DPP6: variants seen among roughly 807,000 people sequenced by gnomAD.
DPP6 encodes dipeptidyl peptidase like 6.
Under a neutral mutation model 122.6 loss-of-function variants are expected in DPP6, and 69 were observed. The observed-to-expected ratio is 0.56, with a 90% confidence interval of 0.46 to 0.69. The LOEUF (loss-of-function observed/expected upper bound fraction) is 0.69, where lower values mean the gene tolerates loss of function less well. Ranked by LOEUF, DPP6 falls within the 30% of genes least tolerant of loss-of-function variation. The pLI, the probability that DPP6 is intolerant of heterozygous loss-of-function variation, is 0.00. For missense variants in DPP6, 928 were observed against 1,116.9 expected (o/e 0.83, Z 2.41); for synonymous variants, 418 against 433.1 (o/e 0.97, Z 0.43).
At chr7:153,831,307 C>G in the DPP6 span, among the ~76,000 whole-genome samples, 1 of 152,114 alleles carries the variant, frequency 6.6e-6, no homozygotes, top group African/African-American at 2.4e-5. Flanking sequence ...AAGGCAGCTC[C>G]ACGTTTTCTA....
rs867573669 is a variant in DPP6 at position 153,991,373 on chromosome 7, G to C, written c.51+103639G>C. 1.8e-4 allele frequency among the ~76,000 whole-genome samples: 28 copies of C among 152,274 alleles called. 2 individuals are homozygous for C. In the Middle Eastern group the frequency reaches 0.017, roughly 92 times the overall value. On this transcript the variant is annotated intron_variant, in intron 1 of 25. Transcript: ENST00000404039. ...CTTCAAGTTTCTACTTACATTTCCTGAATTAAATAGTTTACATCCATAGAA... is the reference window on the plus strand; with the variant it reads ...CTTCAAGTTTCTACTTACATTTCCTCAATTAAATAGTTTACATCCATAGAA...
intron 5 of DPP6, among the ~76,000 whole-genome samples, chr7:154,609,421 G>A (rs1833771916): frequency 6.6e-6 from 1 of 152,192 alleles, no homozygotes; most frequent in Non-Finnish European, 1.5e-5. Flanking sequence ...GATTTACTCT[G>A]TAGACATGTT....
At chr7:154,873,394 T>C (rs545794451) in intron 19 of DPP6, among the ~76,000 whole-genome samples, 67 of 152,298 alleles carry the variant, frequency 4.4e-4, no homozygotes, top group Non-Finnish European at 8.8e-4. Flanking sequence ...ATGCACCTCC[T>C]GGTCTGTACT....
At chr7:154,679,320 T>G (rs1400899763) in intron 7 of DPP6, among the ~76,000 whole-genome samples, 1 of 152,202 alleles carries the variant, frequency 6.6e-6, no homozygotes, top group African/African-American at 2.4e-5. Flanking sequence ...CATTGTCAGG[T>G]GACAGCAATT....
rs529546161 is a variant in DPP6, at chr7:154,709,130, A to G, written c.763-18637A>G. Reference sequence around the variant, plus strand: ...TATATTATATGGCCTTAGTTTTATTAAAAACCAGATTTATACCTCTCCTAC... The same window carrying G: ...TATATTATATGGCCTTAGTTTTATTGAAAACCAGATTTATACCTCTCCTAC... On this transcript the variant is annotated intron_variant, in intron 7 of 25. Transcript: ENST00000377770. 2.6e-5 allele frequency among the ~76,000 whole-genome samples: 4 copies of G among 152,318 alleles called. No individual in the cohort carries two copies. In the East Asian group the frequency reaches 7.7e-4, roughly 29 times the overall value.
chr7:153,948,829 T>C (rs1017527891), intron 1 of DPP6, among the ~76,000 whole-genome samples: 3 of 145,846 alleles, frequency 2.1e-5, no homozygotes, highest in Admixed American at 7.0e-5. Context: ...ATACGAGATA[T>C]TAAACAGGCA....
the DPP6 span, among the ~76,000 whole-genome samples, chr7:153,756,436 T>C: frequency 6.6e-6 from 1 of 152,028 alleles, no homozygotes; most frequent in Non-Finnish European, 1.5e-5. Flanking sequence ...CATTCCATTA[T>C]ACGAGGCTGT....
chr7:153,792,767 C>T, the DPP6 span, among the ~76,000 whole-genome samples: 4 of 151,262 alleles, frequency 2.6e-5, no homozygotes, highest in African/African-American at 9.7e-5. Context: ...CAAATCTCAA[C>T]TTGAATTGTA....
chr7:154,878,026 C>T lies in DPP6; in HGVS notation c.2078+1926C>T, dbSNP rs1805039822. On this transcript the variant is annotated intron_variant, in intron 20 of 25. Transcript: ENST00000377770. Reference sequence around the variant, plus strand: ...CCTGGGTGGGGGCACGAGTGCTCTCCTGGCTTCCCAGACCTCCTCCTTTGG... The same window carrying T: ...CCTGGGTGGGGGCACGAGTGCTCTCTTGGCTTCCCAGACCTCCTCCTTTGG... 2.0e-5 allele frequency among the ~76,000 whole-genome samples: 3 copies of T among 152,342 alleles called. No individual in the cohort carries two copies. In the South Asian group the frequency reaches 6.2e-4, roughly 32 times the overall value.
intron 6 of DPP6, among the ~76,000 whole-genome samples, chr7:154,658,792 G>T (rs1467637364): frequency 6.6e-6 from 1 of 152,248 alleles, no homozygotes; most frequent in Non-Finnish European, 1.5e-5. Context: ...GGACAGACGT[G>T]TCTCACACTC....
chr7:154,134,367 C>A (rs1460487051), intron 1 of DPP6, among the ~76,000 whole-genome samples: 1 of 152,104 alleles, frequency 6.6e-6, no homozygotes, highest in Non-Finnish European at 1.5e-5. Flanking sequence ...TTCCACAGCT[C>A]CTTGTACAGG....
At chr7:153,985,594 A>G (rs1449558700) in intron 1 of DPP6, among the ~76,000 whole-genome samples, 1 of 152,188 alleles carries the variant, frequency 6.6e-6, no homozygotes, top group Non-Finnish European at 1.5e-5. Context: ...GGGGTTTGTC[A>G]TATTATTTCT....
intron 1 of DPP6, among the ~76,000 whole-genome samples, chr7:154,299,831 T>G (rs73727953): frequency 0.011 from 1,649 of 152,286 alleles, 30 homozygotes; most frequent in African/African-American, 0.036. Context: ...CTGCAGCTGA[T>G]TGTCTACTTA....
chr7:154,835,317 C>T (rs1357696031), intron 16 of DPP6, among the ~76,000 whole-genome samples: 2 of 152,134 alleles, frequency 1.3e-5, no homozygotes, highest in Non-Finnish European at 2.9e-5. Context: ...ACTGATGGCC[C>T]CCACCAGAAG....
At chr7:153,846,737 G>T in the DPP6 span, among the ~76,000 whole-genome samples, 2 of 136,274 alleles carry the variant, frequency 1.5e-5, no homozygotes, top group Admixed American at 7.8e-5. Flanking sequence ...CTGTTACCCA[G>T]GCTGGAGTGC....
chr7:154,807,548 C>T (rs772337562), intron 16 of DPP6, among the ~76,000 whole-genome samples: 6 of 152,148 alleles, frequency 3.9e-5, no homozygotes, highest in South Asian at 2.1e-4. Context: ...TCACCAGGCA[C>T]GGTGGCTCAC....
intron 1 of DPP6, among the ~76,000 whole-genome samples, chr7:153,954,539 C>CT (rs1279148063): frequency 6.6e-6 from 1 of 152,134 alleles, no homozygotes; most frequent in Non-Finnish European, 1.5e-5. Flanking sequence ...TTGGGTAGGC[C>CT]TTGGTGCCTT....
chr7:154,385,780 A>T (rs1200776389), intron 1 of DPP6, among the ~76,000 whole-genome samples: 2 of 152,162 alleles, frequency 1.3e-5, no homozygotes, highest in African/African-American at 4.8e-5. Flanking sequence ...GAGTATTCAC[A>T]GAGAAAGCAA....
chr7:154,276,658 T>A (rs1804156917), intron 1 of DPP6, among the ~76,000 whole-genome samples: 1 of 152,162 alleles, frequency 6.6e-6, no homozygotes, highest in Non-Finnish European at 1.5e-5. Context: ...TGCAGTCAGT[T>A]CTTGCTGTTC....
Sources: allele counts gnomAD v4.1 joint callset (sites outside exome capture counted in the v4.1 genomes callset), GRCh38; gene constraint gnomAD v4.1.1; transcripts MANE v1.5; gene names NCBI Gene and HGNC (gene_info 2026-07-23, HGNC 2026-07-21).